Variants in POLR3K observed in about 807,000 individuals in gnomAD.
The protein encoded by POLR3K is RNA polymerase III subunit K.
A neutral mutation model predicts 13.5 loss-of-function variants in POLR3K; 11 were observed. The ratio of observed to expected loss-of-function variants is 0.81; its 90% CI spans 0.51 to 1.35. The LOEUF (loss-of-function observed/expected upper bound fraction) is 1.35, where lower values mean the gene tolerates loss of function less well. Ranked by LOEUF, POLR3K falls within the 40% of genes most tolerant of loss-of-function variation. The pLI, the probability that POLR3K is intolerant of heterozygous loss-of-function variation, is 0.00. For synonymous variants in POLR3K, 56 were observed against 51.5 expected (o/e 1.09, Z -0.38); for missense variants, 144 against 145.3 (o/e 0.99, Z 0.05).
intron 2 of POLR3K, among the ~76,000 whole-genome samples, chr16:48,002 G>A (rs1370835689): frequency 7.4e-6 from 1 of 134,560 alleles, no homozygotes; most frequent in Non-Finnish European, 1.5e-5. Flanking sequence ...GATTCTCCTT[G>A]CCTCAGCCTC....
At chr16:49,653 T>C (rs925720186) in intron 2 of POLR3K, among the ~76,000 whole-genome samples, 7 of 151,238 alleles carry the variant, frequency 4.6e-5, no homozygotes, top group Non-Finnish European at 1.0e-4. Flanking sequence ...TTTTTTTTTT[T>C]TTTGAGACGG....
rs145035046 is a variant in POLR3K, at chr16:49,295, G to A, written c.200-1738C>T. 4.6e-3 allele frequency among the ~76,000 whole-genome samples: 694 copies of A among 151,810 alleles called. 9 individuals carry two copies. The highest frequency in any genetic ancestry group is 9.6e-3 in the South Asian group (46 of 4,800). ...CTCTACTAAAAATACAAAATTAGCT[G>A]GGCGTGGTGGCGCATGCCTGTAATC... On this transcript the variant is annotated intron_variant, in intron 2 of 2. Coordinates refer to ENST00000293860, the MANE Select transcript of POLR3K (RefSeq NM_016310.5).
intron 2 of POLR3K, among the ~76,000 whole-genome samples, chr16:50,592 G>A (rs942067016): frequency 4.6e-5 from 7 of 150,800 alleles, no homozygotes; most frequent in Admixed American, 4.0e-4. Context: ...GTGTGATCTC[G>A]GCTCACTGCA....
chr16:53,370 A>G (rs1333539317), intron 1 of POLR3K, 106 bp downstream of exon 1: 47 of 1,457,336 alleles, frequency 3.2e-5, no homozygotes, highest in Non-Finnish European at 4.2e-5. Flanking sequence ...CGCGAGAAAG[A>G]GCGGACAGAG....
intron 1 of POLR3K, 159 bp downstream of exon 1, chr16:53,317 T>G: frequency 7.5e-7 from 1 of 1,340,406 alleles, no homozygotes; most frequent in Non-Finnish European, 9.8e-7. Flanking sequence ...TCTGAGTGTA[T>G]TGGAAAGTAG....
At chr16:51,729 G>C (rs754858488) in intron 1 of POLR3K, 84 bp from the exon 2 acceptor site, 18 of 1,148,244 alleles carry the variant, frequency 1.6e-5, no homozygotes, top group Non-Finnish European at 2.3e-5. Flanking sequence ...GATTACATAA[G>C]AGTTCACTCG....
At chr16:50,213 C>A (rs1299766806) in intron 2 of POLR3K, among the ~76,000 whole-genome samples, 1 of 152,176 alleles carries the variant, frequency 6.6e-6, no homozygotes, top group Non-Finnish European at 1.5e-5. Context: ...CCCGCCTCGG[C>A]CTCCCAAAGT....
chr16:52,483 A>C (rs937832935), intron 1 of POLR3K, among the ~76,000 whole-genome samples: 4 of 90,626 alleles, frequency 4.4e-5, no homozygotes, highest in African/African-American at 1.7e-4. Context: ...AAAAAAAAAA[A>C]AAAAGGTCGG....
chr16:53,235 C>G (rs748388172), intron 1 of POLR3K: 2 of 723,358 alleles, frequency 2.8e-6, no homozygotes, highest in African/African-American at 3.7e-5. Context: ...TCACCGTGGC[C>G]GCCGCTGTGA....
rs1222221651 is a variant in POLR3K, at chr16:47,454, C to A, written c.303G>T (p.Gln101His). ...MTTFYKCCNA[Q>H]CGHRWRD ...CCTAATCCCTCCAGCGGTGTCCACA[C>A]TGAGCATTGCAGCACTTGTAGAAGG... The change falls in exon 3 of 3, where the codon CAG becomes CAT. Residue 101 changes from glutamine (Q) to histidine (H), a missense_variant. Gln to His is a conservative substitution (Grantham distance 24, BLOSUM62 0). Coordinates refer to ENST00000293860, the MANE Select transcript of POLR3K (RefSeq NM_016310.5). 1 of 1,613,414 alleles carries A rather than the reference C, an allele frequency of 6.2e-7. No homozygotes were observed. Among genetic ancestry groups the A allele is most frequent in the African/African-American group, 1.3e-5 (1 of 75,020 alleles).
At chr16:53,115 C>T in intron 1 of POLR3K, 1 of 235,096 alleles carries the variant, frequency 4.3e-6, no homozygotes, top group Non-Finnish European at 8.3e-6. Flanking sequence ...GAGTCAGTGT[C>T]GGAACCTGGT....
At chr16:50,134 T>G (rs1212796640) in intron 2 of POLR3K, among the ~76,000 whole-genome samples, 5 of 152,106 alleles carry the variant, frequency 3.3e-5, no homozygotes, top group Admixed American at 3.3e-4. Flanking sequence ...ATTTTTTGTA[T>G]TTTTAGCAGA....
chr16:47,405 C>T lies in POLR3K; in HGVS notation c.*25G>A. On this transcript the variant is annotated 3_prime_UTR_variant, in exon 3 of 3. Coordinates refer to ENST00000293860, the MANE Select transcript of POLR3K (RefSeq NM_016310.5). ...CCCCGAGGGACAAGGCAAGCACACA[C>T]TAGGGCAGCTGGGCCATCCTGGCCC... is the stretch of plus-strand genomic sequence containing the variant. The T allele has an allele frequency of 6.2e-7, 1 of 1,609,322 alleles. No individual in the cohort carries two copies. Among genetic ancestry groups the T allele is most frequent in the Non-Finnish European group, 8.5e-7 (1 of 1,177,016 alleles).
rs1897295289 is a variant in POLR3K at position 47,587 on chromosome 16, T to C, written c.200-30A>G. ...CAATGAGAAAAAAGAAGTGACCACA[T>C]TTAAAAAAAGATGCTACTCATGGCT... On this transcript the variant is annotated intron_variant, in intron 2 of 2. Coordinates refer to ENST00000293860, the MANE Select transcript of POLR3K (RefSeq NM_016310.5). 2.5e-6 allele frequency: 4 copies of C among 1,604,974 alleles called. No individual in the cohort carries two copies. The African/African-American group carries it at 4.0e-5, about 16-fold the overall frequency.
intron 2 of POLR3K, among the ~76,000 whole-genome samples, chr16:48,681 G>A (rs1393452220): frequency 1.3e-5 from 2 of 151,764 alleles, no homozygotes; most frequent in Non-Finnish European, 2.9e-5. Context: ...CGTGGTGTCG[G>A]GTGCCTGCAG....
At chr16:49,989 G>A (rs543505441) in intron 2 of POLR3K, among the ~76,000 whole-genome samples, 6 of 150,822 alleles carry the variant, frequency 4.0e-5, no homozygotes, top group Admixed American at 6.6e-5. Context: ...ACAGAGTTTC[G>A]TTCTTGTTGC....
rs547664325 is a variant in POLR3K, at chr16:48,790, A to G, written c.200-1233T>C. ...CGCGCCACTGCACTCCAGCTTGGGC[A>G]ACAGAGTGAGACTCCATCTCAAAAA... is the stretch of plus-strand genomic sequence containing the variant. On this transcript the variant is annotated intron_variant, in intron 2 of 2. Transcript: ENST00000293860. Among the ~76,000 whole-genome samples the G allele has an allele frequency of 4.1e-4, 62 of 151,416 alleles. 1 individual carries two copies. Among genetic ancestry groups the G allele is most frequent in the Non-Finnish European group, 6.9e-4 (47 of 67,884 alleles).
chr16:48,559 C>A (rs1327623963), intron 2 of POLR3K, among the ~76,000 whole-genome samples: 1 of 152,166 alleles, frequency 6.6e-6, no homozygotes, highest in African/African-American at 2.4e-5. Context: ...CGCCTGTAAT[C>A]CCAGGACTTT....
intron 1 of POLR3K, chr16:51,877 C>G (rs1010889863): frequency 5.3e-6 from 2 of 379,598 alleles, no homozygotes; most frequent in Non-Finnish European, 9.8e-6. Context: ...AAAATTAGCC[C>G]GGCGTGTTGG....
Sources: gnomAD v4.1 joint callset for allele counts (sites outside exome capture counted in the v4.1 genomes callset) on GRCh38, gnomAD v4.1.1 for gene constraint, MANE v1.5 for transcripts, NCBI Gene and HGNC (gene_info 2026-07-23, HGNC 2026-07-21) for gene names.